EFNA5: variants seen among roughly 807,000 people sequenced by gnomAD.
EFNA5 encodes the protein ephrin A5.
EFNA5 carries 5 observed loss-of-function variants against 22.9 expected under a neutral mutation model. The ratio of observed to expected loss-of-function variants is 0.22; its 90% confidence interval spans 0.11 to 0.46. EFNA5 has a LOEUF of 0.46. EFNA5 is among the 20% of genes least tolerant of loss of function. EFNA5 has a pLI of 0.99. For synonymous variants in EFNA5, 113 were observed against 112.2 expected (o/e 1.01, Z -0.04); for missense variants, 237 against 293.3 (o/e 0.81, Z 1.40).
chr5:107,432,879 C>T (rs1244049143), intron 1 of EFNA5, among the ~76,000 whole-genome samples: 2 of 152,172 alleles, frequency 1.3e-5, no homozygotes, highest in African/African-American at 4.8e-5. Context: ...CCAATCCCTC[C>T]TCATCCTCAG....
At chr5:107,449,948 C>G (rs1749514094) in intron 1 of EFNA5, among the ~76,000 whole-genome samples, 1 of 152,182 alleles carries the variant, frequency 6.6e-6, no homozygotes, top group African/African-American at 2.4e-5. Flanking sequence ...TTTTGTTTCT[C>G]TAACTTTCCC....
rs558596833 is a variant in EFNA5 at position 107,565,694 on chromosome 5, C to T, written c.125+104795G>A. On this transcript the variant is annotated intron_variant, in intron 1 of 4. Transcript: ENST00000333274. ...TATATATATTAAACACAAAAGCCTGCAAGAAAACTTTTTCCTTTATAATAT... is the reference window on the plus strand; with the variant it reads ...TATATATATTAAACACAAAAGCCTGTAAGAAAACTTTTTCCTTTATAATAT... 3.3e-5 allele frequency among the ~76,000 whole-genome samples: 5 copies of T among 152,172 alleles called. 1 individual carries two copies. The South Asian group carries it at 8.3e-4, about 25-fold the overall frequency.
At chr5:107,570,350 C>T (rs534395265) in intron 1 of EFNA5, among the ~76,000 whole-genome samples, 2 of 152,320 alleles carry the variant, frequency 1.3e-5, no homozygotes, top group South Asian at 2.1e-4. Context: ...CCTCCGGAAA[C>T]CTCACTGTTC....
chr5:107,638,095 C>T (rs919220946), intron 1 of EFNA5, among the ~76,000 whole-genome samples: 2 of 151,940 alleles, frequency 1.3e-5, no homozygotes, highest in East Asian at 1.9e-4. Flanking sequence ...CCTCATGATC[C>T]GTCCACCTTG....
At chr5:107,462,174 T>C (rs1016338274) in intron 1 of EFNA5, among the ~76,000 whole-genome samples, 3 of 152,132 alleles carry the variant, frequency 2.0e-5, no homozygotes, top group Admixed American at 6.6e-5. Context: ...GAAGTTGTCA[T>C]CTTCACTGCA....
Position 107,592,050 on chromosome 5 carries a change from AT to A in EFNA5, c.125+78438del, listed in dbSNP as rs1403942129. On this transcript the variant is annotated intron_variant, in intron 1 of 4. Transcript: ENST00000333274. ...ATATTATATATTATATATATTATAC[AT>A]TAAACATATATTTATAATAATAATA... Among the ~76,000 whole-genome samples, 25 of 91,676 alleles carry A rather than the reference AT, an allele frequency of 2.7e-4. 4 individuals carry two copies. Among genetic ancestry groups the A allele is most frequent in the African/African-American group, 1.3e-3 (25 of 19,466 alleles). 60.1% of individuals were successfully genotyped at this position (91,676 alleles called of 152,430 possible).
chr5:107,563,371 T>C (rs1021490203), intron 1 of EFNA5, among the ~76,000 whole-genome samples: 4 of 152,176 alleles, frequency 2.6e-5, no homozygotes, highest in Non-Finnish European at 4.4e-5. Context: ...TCAGATGCTT[T>C]CTTTCTCTTC....
At chr5:107,501,245 A>G (rs1747127356) in intron 1 of EFNA5, among the ~76,000 whole-genome samples, 1 of 152,210 alleles carries the variant, frequency 6.6e-6, no homozygotes, top group East Asian at 1.9e-4. Flanking sequence ...GATTTTGTAA[A>G]TATTTTTTTA....
intron 1 of EFNA5, among the ~76,000 whole-genome samples, chr5:107,434,876 G>C (rs1749065045): frequency 6.6e-6 from 1 of 152,068 alleles, no homozygotes; most frequent in African/African-American, 2.4e-5. Context: ...ATTCCTACTT[G>C]AACAGAAATC....
chr5:107,515,795 C>T (rs1747461864), intron 1 of EFNA5, among the ~76,000 whole-genome samples: 1 of 152,192 alleles, frequency 6.6e-6, no homozygotes, highest in African/African-American at 2.4e-5. Flanking sequence ...TCTTCCTACT[C>T]ATGCTCACGC....
chr5:107,399,805 G>C (rs1748037602), intron 2 of EFNA5, among the ~76,000 whole-genome samples: 1 of 152,268 alleles, frequency 6.6e-6, no homozygotes, highest in East Asian at 1.9e-4. Context: ...ACCATAGAAC[G>C]AGTATTTCTT....
intron 2 of EFNA5, among the ~76,000 whole-genome samples, chr5:107,406,300 C>T (rs757218717): frequency 6.6e-6 from 1 of 151,798 alleles, no homozygotes; most frequent in Admixed American, 6.6e-5. Flanking sequence ...ACTGCAATTA[C>T]ATTTGCACCA....
chr5:107,382,757 G>A (rs1163505819), intron 4 of EFNA5, among the ~76,000 whole-genome samples: 2 of 152,222 alleles, frequency 1.3e-5, no homozygotes, highest in South Asian at 2.1e-4. Context: ...CAGCATCAGG[G>A]TAACTTCCTG....
chr5:107,626,201 G>T (rs115064146), intron 1 of EFNA5, among the ~76,000 whole-genome samples: 3,080 of 152,276 alleles, frequency 0.02, 40 homozygotes, highest in Middle Eastern at 0.031. Flanking sequence ...TTTAGTAAAT[G>T]CAGAACCACC....
intron 1 of EFNA5, among the ~76,000 whole-genome samples, chr5:107,639,220 T>C (rs1247099238): frequency 6.6e-6 from 1 of 152,230 alleles, no homozygotes. Context: ...TTTTCTAGAA[T>C]ACAACTAATT....
intron 1 of EFNA5, among the ~76,000 whole-genome samples, chr5:107,556,367 T>C (rs759585545): frequency 3.1e-4 from 47 of 152,340 alleles, no homozygotes; most frequent in Non-Finnish European, 5.7e-4. Flanking sequence ...ACAAGTTATT[T>C]GGCAACAAAC....
At chr5:107,435,315 C>CTTTTTTTTTTTTTTTTTTTT (rs3999107) in intron 1 of EFNA5, among the ~76,000 whole-genome samples, 19 of 104,644 alleles carry the variant, frequency 1.8e-4, no homozygotes, top group African/African-American at 3.6e-4. Flanking sequence ...TGAAGATGCT[C>CTTTTTTTTTTTTTTTTTTTT]TTTTTTTTTT....
chr5:107,389,815 A>T (rs1747736120), intron 2 of EFNA5, among the ~76,000 whole-genome samples: 1 of 152,224 alleles, frequency 6.6e-6, no homozygotes, highest in African/African-American at 2.4e-5. Context: ...TGTGAATTAA[A>T]AATATGAAAT....
chr5:107,557,744 A>C (rs1325291774), intron 1 of EFNA5, among the ~76,000 whole-genome samples: 1 of 152,242 alleles, frequency 6.6e-6, no homozygotes, highest in Non-Finnish European at 1.5e-5. Flanking sequence ...CTTTAGAGAC[A>C]AAATAGCTTG....
Sources: allele counts gnomAD v4.1 joint callset (sites outside exome capture counted in the v4.1 genomes callset), GRCh38; gene constraint gnomAD v4.1.1; transcripts MANE v1.5; gene names NCBI Gene and HGNC (gene_info 2026-07-23, HGNC 2026-07-21).